CDKN2D: variants seen among roughly 807,000 people sequenced by gnomAD.
CDKN2D encodes cyclin dependent kinase inhibitor 2D.
In CDKN2D, 3 loss-of-function variants were observed where a neutral mutation model predicts 4.7. That is an observed-to-expected ratio of 0.64 (90% CI 0.29 to 1.66). CDKN2D has a LOEUF of 1.66. Among genes scored for constraint, CDKN2D ranks in the 40% most tolerant of loss-of-function variants. CDKN2D has a pLI of 0.10. For synonymous variants in CDKN2D, 91 were observed against 102.3 expected, an observed-to-expected ratio of 0.89 and a Z score of 0.67; for missense variants, 196 against 230.9, an observed-to-expected ratio of 0.85 and a Z score of 0.98.
At chr19:10,567,521 C>T in intron 1 of CDKN2D, 104 bp from the exon 2 acceptor site, 1 of 1,350,546 alleles carries the variant, frequency 7.4e-7, no homozygotes, top group Non-Finnish European at 1.0e-6. Context: ...CTCCCAGAAA[C>T]AGGAAATGCT....
At position 10,568,620 on chromosome 19, in the gene CDKN2D, G is replaced by A; in HGVS notation, c.34C>T (p.Leu12=). ...LLEEVRAGDR[L]SGAAARGDVQ... ...TCGCCCCGGGCCGCCGCCCCACTCA[G>A]CCGGTCGCCGGCGCGAACCTCCTCC... is the stretch of plus-strand genomic sequence containing the variant. The change falls in exon 1 of 2, where the codon CTG becomes TTG. Residue 12 remains leucine, a synonymous_variant. Transcript: ENST00000393599. 6.6e-7 allele frequency: 1 copy of A among 1,508,722 alleles called. No individual in the cohort carries two copies. The highest frequency in any genetic ancestry group is 8.8e-7 in the Non-Finnish European group (1 of 1,135,552). The allele number at this position is 1,508,722 out of a possible 1,614,324, so 93.5% of individuals were successfully genotyped here. A position where few individuals can be genotyped will look rare whatever the true frequency, so the allele number is the denominator to read the frequency against.
At position 10,568,553 on chromosome 19, in the gene CDKN2D, T is replaced by C; in HGVS notation, c.101A>G (p.His34Arg). 6.7e-7 allele frequency: 1 copy of C among 1,499,688 alleles called. No homozygotes were observed. Among genetic ancestry groups the C allele is most frequent in the South Asian group, 1.2e-5 (1 of 80,734 alleles). 92.9% of individuals were successfully genotyped at this position (1,499,688 alleles called of 1,614,324 possible). A position where few individuals can be genotyped will look rare whatever the true frequency, so the allele number is the denominator to read the frequency against. The change falls in exon 1 of 2, where the codon CAT becomes CGT. Residue 34 changes from histidine (H) to arginine (R), a missense_variant. Physicochemically the swap from His to Arg is conservative, Grantham distance 29. Coordinates refer to ENST00000393599, the MANE Select transcript of CDKN2D (RefSeq NM_001800.4). ...GCCGAAGCGGTTGAGGGCGTCGGGA[T>C]GCACCAGCTCCCGGTGCAGAAGGCG... Reference protein sequence around the residue: ...VRRLLHRELVHPDALNRFGKT... With the variant: ...VRRLLHRELVRPDALNRFGKT...
In CDKN2D at chr19:10,567,368, C is replaced by T. The variant is rs1430204453; in HGVS notation, c.191G>A (p.Gly64Asp). The T allele has an allele frequency of 6.2e-7, 1 of 1,613,994 alleles. No individual in the cohort carries two copies. Among genetic ancestry groups the T allele is most frequent in the Non-Finnish European group, 8.5e-7 (1 of 1,180,020 alleles). The change falls in exon 2 of 2, where the codon GGT (glycine) becomes GAT (aspartate). Residue 64 changes from glycine to aspartate, a missense_variant. Coordinates refer to ENST00000393599, the MANE Select transcript of CDKN2D (RefSeq NM_001800.4). ...GGTGTCCTGGACATTGGGGCTGGCA[C>T]CTTGCTTCAGCAGCTCCAGGGCGAT... is the stretch of plus-strand genomic sequence containing the variant. ...TAIALELLKQ[G>D]ASPNVQDTSG...
intron 1 of CDKN2D, 42 bp downstream of exon 1, chr19:10,568,471 C>G: frequency 1.5e-6 from 2 of 1,327,204 alleles, no homozygotes; most frequent in Non-Finnish European, 1.9e-6. Context: ...ATCCTCATCC[C>G]GCTTAGCCGC....
chr19:10,568,580 C>T lies in CDKN2D; in HGVS notation c.74G>A (p.Arg25His), dbSNP rs1232079509. Residue 25 changes from arginine (R) to histidine (H), a missense_variant, in exon 1 of 2, where the codon CGC becomes CAC. Physicochemically the swap from Arg to His is conservative, Grantham distance 29 (BLOSUM62 0). Coordinates refer to ENST00000393599, the MANE Select transcript of CDKN2D (RefSeq NM_001800.4). Reference protein sequence around the residue: ...AAARGDVQEVRRLLHRELVHP... With the variant: ...AAARGDVQEVHRLLHRELVHP... ...CACCAGCTCCCGGTGCAGAAGGCGG[C>T]GCACCTCCTGCACGTCGCCCCGGGC... is the stretch of plus-strand genomic sequence containing the variant. 1 of 1,501,440 alleles carries T rather than the reference C, an allele frequency of 6.7e-7. No homozygotes were observed. The highest frequency in any genetic ancestry group is 8.9e-7 in the Non-Finnish European group (1 of 1,129,902). The allele number at this position is 1,501,440 out of a possible 1,614,324, so 93.0% of individuals were successfully genotyped here.
intron 1 of CDKN2D, among the ~76,000 whole-genome samples, chr19:10,567,712 G>C (rs1313735681): frequency 1.5e-5 from 2 of 137,330 alleles, no homozygotes; most frequent in Non-Finnish European, 3.0e-5. Flanking sequence ...GACCAAAGAC[G>C]CCCCCAGATA....
In CDKN2D at chr19:10,568,454, G is replaced by A. The variant is rs974095099; in HGVS notation, c.141+59C>T. 1.4e-5 allele frequency: 18 copies of A among 1,299,422 alleles called. No homozygotes were observed. The African/African-American group carries it at 2.3e-4, about 17-fold the overall frequency. The allele number at this position is 1,299,422 out of a possible 1,614,324, so 80.5% of individuals were successfully genotyped here. ...CCAGGAGACCAGAGAGGAGCTCTGGGGTCTCGATCCTCATCCCGCTTAGCC... is the reference window on the plus strand; with the variant it reads ...CCAGGAGACCAGAGAGGAGCTCTGGAGTCTCGATCCTCATCCCGCTTAGCC... On this transcript the variant is annotated intron_variant, in intron 1 of 1. Coordinates refer to ENST00000393599, the MANE Select transcript of CDKN2D (RefSeq NM_001800.4).
intron 1 of CDKN2D, 90 bp from the exon 2 acceptor site, chr19:10,567,507 G>T: frequency 2.1e-6 from 3 of 1,423,924 alleles, no homozygotes; most frequent in Non-Finnish European, 2.8e-6. Flanking sequence ...CCAGAAAGAG[G>T]CATCTCCCAG....
chr19:10,568,332 C>A (rs1240876625), intron 1 of CDKN2D, among the ~76,000 whole-genome samples, 181 bp downstream of exon 1: 4 of 152,220 alleles, frequency 2.6e-5, no homozygotes, highest in African/African-American at 9.6e-5. Flanking sequence ...CCCCCCACAA[C>A]CTAGCCTCAC....
rs150872881 is a variant in CDKN2D, at chr19:10,567,279, C to A, written c.280G>T (p.Val94Leu). 1.9e-6 allele frequency: 3 copies of A among 1,614,100 alleles called. No homozygotes were observed. Among genetic ancestry groups the A allele is most frequent in the African/African-American group, 1.3e-5 (1 of 74,932 alleles). The change falls in exon 2 of 2, where the codon GTG becomes TTG. Residue 94 changes from valine (V) to leucine (L), a missense_variant. By Grantham distance (32) the Val-to-Leu change is conservative (BLOSUM62 1). Transcript: ENST00000393599. ...TGFLDTLKVL[V>L]EHGADVNVPD... ...ACGTTGACATCAGCCCCGTGCTCCA[C>A]TAGGACCTTCAGGGTGTCCAGGAAT...
At position 10,568,523 on chromosome 19, in the gene CDKN2D, G is replaced by A; in HGVS notation, c.131C>T (p.Thr44Met). ...HPDALNRFGK[T>M]ALQVMMFGST... ...CCGGCCCGGCCTCACCTGCAGCGCC[G>A]TCTTGCCGAAGCGGTTGAGGGCGTC... The change falls in exon 1 of 2, where the codon ACG (threonine) becomes ATG (methionine). Residue 44 changes from threonine to methionine, a missense_variant. By Grantham distance (81) the Thr-to-Met change is moderately conservative. Transcript: ENST00000393599. The A allele has an allele frequency of 6.9e-7, 1 of 1,445,108 alleles. No individual in the cohort carries two copies. The allele number at this position is 1,445,108 out of a possible 1,614,324, so 89.5% of individuals were successfully genotyped here. A position where few individuals can be genotyped will look rare whatever the true frequency, so the allele number is the denominator to read the frequency against.
chr19:10,568,125 C>T (rs1353288897), intron 1 of CDKN2D, among the ~76,000 whole-genome samples: 1 of 152,028 alleles, frequency 6.6e-6, no homozygotes, highest in Non-Finnish European at 1.5e-5. Context: ...TGAGGAACCC[C>T]TAGAGACAGG....
chr19:10,568,406 T>G, intron 1 of CDKN2D, 107 bp downstream of exon 1: 1 of 1,022,994 alleles, frequency 9.8e-7, no homozygotes, highest in South Asian at 3.0e-5. Context: ...GAAGGACCGG[T>G]TCCCAGTGGG....
intron 1 of CDKN2D, among the ~76,000 whole-genome samples, chr19:10,567,840 AC>A (rs1916945850): frequency 6.6e-6 from 1 of 151,904 alleles, no homozygotes; most frequent in African/African-American, 2.4e-5. Flanking sequence ...AGGAAAGCGA[AC>A]CCCTTCTCCA....
chr19:10,567,256 G>T lies in CDKN2D; in HGVS notation c.303C>A (p.Asn101Lys). 6.2e-7 allele frequency: 1 copy of T among 1,614,198 alleles called. No homozygotes were observed. The highest frequency in any genetic ancestry group is 8.5e-7 in the Non-Finnish European group (1 of 1,180,020). ...GAAGTGCCCCGGTGCCATCAGGCAC[G>T]TTGACATCAGCCCCGTGCTCCACTA... The part of the protein sequence containing the change: ...KVLVEHGADV[N>K]VPDGTGALPI... The change falls in exon 2 of 2, where the codon AAC becomes AAA. Residue 101 changes from asparagine to lysine, a missense_variant. Asn to Lys is a moderately conservative substitution (Grantham distance 94). Coordinates refer to ENST00000393599, the MANE Select transcript of CDKN2D (RefSeq NM_001800.4).
intron 1 of CDKN2D, among the ~76,000 whole-genome samples, chr19:10,568,166 T>C (rs1465701): frequency 0.7 from 105,731 of 151,718 alleles, 37,655 homozygotes; most frequent in Non-Finnish European, 0.76. Context: ...GATCTCCCCA[T>C]AGAAGCCCCA....
At position 10,568,738 on chromosome 19, in the gene CDKN2D, A is replaced by C; in HGVS notation, c.-85T>G. ...GAGCAGCCGGCGGGCGCTGGCCCGA[A>C]CAGCCCTCCCGGGGCGCGGCCGCGG... On this transcript the variant is annotated 5_prime_UTR_variant, in exon 1 of 2. Transcript: ENST00000393599. 1 of 1,035,340 alleles carries C rather than the reference A, an allele frequency of 9.7e-7. No homozygotes were observed. The highest frequency in any genetic ancestry group is 1.2e-6 in the Non-Finnish European group (1 of 809,962). The allele number at this position is 1,035,340 out of a possible 1,614,324, so 64.1% of individuals were successfully genotyped here. A position where few individuals can be genotyped will look rare whatever the true frequency, so the allele number is the denominator to read the frequency against.
Position 10,567,032 on chromosome 19 carries a change from C to T in CDKN2D, c.*26G>A, listed in dbSNP as rs1311538184. 2 of 1,568,326 alleles carry T rather than the reference C, an allele frequency of 1.3e-6. No individual in the cohort carries two copies. The highest frequency in any genetic ancestry group is 1.7e-6 in the Non-Finnish European group (2 of 1,162,278). On this transcript the variant is annotated 3_prime_UTR_variant, in exon 2 of 2. Transcript: ENST00000393599. ...TTCTGATACATAACCCCACGGGGTTCTCTTGCTGGAGAGGGTGACCCCAGA... is the reference window on the plus strand; with the variant it reads ...TTCTGATACATAACCCCACGGGGTTTTCTTGCTGGAGAGGGTGACCCCAGA...
In CDKN2D at chr19:10,568,575, G is replaced by C; in HGVS notation, c.79C>G (p.Leu27Val). ...ARGDVQEVRR[L>V]LHRELVHPDA... ...GGATGCACCAGCTCCCGGTGCAGAA[G>C]GCGGCGCACCTCCTGCACGTCGCCC... is the stretch of plus-strand genomic sequence containing the variant. Residue 27 changes from leucine (L) to valine (V), a missense_variant, in exon 1 of 2, where the codon CTT becomes GTT. Transcript: ENST00000393599. The C allele has an allele frequency of 6.7e-7, 1 of 1,502,988 alleles. No individual in the cohort carries two copies. Among genetic ancestry groups the C allele is most frequent in the Non-Finnish European group, 8.8e-7 (1 of 1,130,612 alleles). 93.1% of individuals were successfully genotyped at this position (1,502,988 alleles called of 1,614,324 possible). A position where few individuals can be genotyped will look rare whatever the true frequency, so the allele number is the denominator to read the frequency against.
Sources: gnomAD v4.1 joint callset for allele counts (sites outside exome capture counted in the v4.1 genomes callset) on GRCh38, gnomAD v4.1.1 for gene constraint, MANE v1.5 for transcripts, NCBI Gene and HGNC (gene_info 2026-07-23, HGNC 2026-07-21) for gene names.